Variants in EPHB1 observed in about 807,000 individuals in gnomAD.
EPHB1 encodes the protein ephrin type-B receptor 1.
A neutral mutation model predicts 94.4 loss-of-function variants in EPHB1; 30 were observed. The observed-to-expected ratio is 0.32, with a 90% CI of 0.24 to 0.43. The LOEUF is 0.43. Among genes scored for constraint, EPHB1 ranks in the 20% least tolerant of loss-of-function variants. The pLI is 1.00. For missense variants in EPHB1, 1,055 were observed against 1,308.3 expected (o/e 0.81, Z 2.99); for synonymous variants, 522 against 489.1 (o/e 1.07, Z -0.89).
At chr3:135,111,155 T>A (rs1939427845) in intron 4 of EPHB1, among the ~76,000 whole-genome samples, 1 of 152,156 alleles carries the variant, frequency 6.6e-6, no homozygotes, top group African/African-American at 2.4e-5. Flanking sequence ...ATCTGCTGCA[T>A]CATGCTCAAT....
rs1310462550 is a variant in EPHB1, at chr3:135,192,703, C to T, written c.2010C>T (p.Ser670=). The T allele has an allele frequency of 1.9e-6, 3 of 1,614,068 alleles. No individual in the cohort carries two copies. Among genetic ancestry groups the T allele is most frequent in the African/African-American group, 1.3e-5 (1 of 74,924 alleles). ...GTCGGGACTTTCTGAGTGAGGCGAG[C>T]ATCATGGGCCAGTTCGACCATCCTA... ...KQRRDFLSEA[S]IMGQFDHPNI... is the part of the protein sequence containing the mutation. Residue 670 remains serine (S), a synonymous_variant, in exon 11 of 16, where the codon AGC becomes AGT. Coordinates refer to ENST00000398015, the MANE Select transcript of EPHB1 (RefSeq NM_004441.5).
intron 11 of EPHB1, among the ~76,000 whole-genome samples, chr3:135,195,506 C>G (rs1190447694): frequency 1.3e-5 from 2 of 150,886 alleles, no homozygotes; most frequent in Admixed American, 1.3e-4. Context: ...CACCACAGTC[C>G]CCAGAGTGTG....
At chr3:134,817,152 C>T (rs1383543310) in intron 1 of EPHB1, among the ~76,000 whole-genome samples, 2 of 151,994 alleles carry the variant, frequency 1.3e-5, no homozygotes, top group Non-Finnish European at 2.9e-5. Flanking sequence ...AAATCAAATT[C>T]TGTAAACCAT....
Position 135,106,473 on chromosome 3 carries a change from C to A in EPHB1, c.831C>A (p.Ala277=). 1 of 1,613,998 alleles carries A rather than the reference C, an allele frequency of 6.2e-7. No homozygotes were observed. The highest frequency in any genetic ancestry group is 8.5e-7 in the Non-Finnish European group (1 of 1,179,886). The change falls in exon 4 of 16, where the codon GCC becomes GCA. Residue 277 remains alanine, a synonymous_variant. Transcript: ENST00000398015. ...CTTGCCCTGCAGGGACATTCAAGGC[C>A]AGCCAGGAAGCTGAAGGCTGCTCCC... is the stretch of plus-strand genomic sequence containing the variant. ...CKACPAGTFK[A]SQEAEGCSHC...
chr3:135,072,679 T>C (rs1937765761), intron 3 of EPHB1, among the ~76,000 whole-genome samples: 1 of 152,260 alleles, frequency 6.6e-6, no homozygotes, highest in African/African-American at 2.4e-5. Context: ...CCTGATTCTT[T>C]TTGTGGCTGG....
chr3:134,918,447 AAG>A (rs774654808), intron 1 of EPHB1, among the ~76,000 whole-genome samples: 1 of 152,204 alleles, frequency 6.6e-6, no homozygotes, highest in Non-Finnish European at 1.5e-5. Flanking sequence ...GAAGTGATGA[AAG>A]AGTAATTTTC....
chr3:135,210,270 C>T (rs1006317789), intron 12 of EPHB1, among the ~76,000 whole-genome samples: 1 of 152,160 alleles, frequency 6.6e-6, no homozygotes, highest in Non-Finnish European at 1.5e-5. Flanking sequence ...GATTTTGATA[C>T]TTAGAAAATT....
intron 3 of EPHB1, among the ~76,000 whole-genome samples, chr3:135,062,913 A>G (rs1398038333): frequency 1.3e-5 from 2 of 152,268 alleles, no homozygotes; most frequent in East Asian, 1.9e-4. Flanking sequence ...TGGTTAGCCA[A>G]ATATCCCAGG....
chr3:134,836,122 A>C (rs1218407985), intron 1 of EPHB1, among the ~76,000 whole-genome samples: 1 of 152,212 alleles, frequency 6.6e-6, no homozygotes, highest in Non-Finnish European at 1.5e-5. Context: ...AGAGCTATCC[A>C]TGGGGCATCT....
At chr3:134,830,324 A>G (rs112473655) in intron 1 of EPHB1, among the ~76,000 whole-genome samples, 123 of 152,296 alleles carry the variant, frequency 8.1e-4, no homozygotes, top group African/African-American at 3.0e-3. Context: ...CACACATACA[A>G]TATTATTATA....
Position 135,176,100 on chromosome 3 carries a change from G to A in EPHB1, c.1760-3760G>A, listed in dbSNP as rs981939240. ...AGGCTAGCTATACTGCAGGAGGGAG[G>A]TCTAGGAAGATGCGTCATTCTGAGA... On this transcript the variant is annotated intron_variant, in intron 9 of 15. Transcript: ENST00000398015. Among the ~76,000 whole-genome samples the A allele has an allele frequency of 5.3e-5, 8 of 152,192 alleles. No individual in the cohort carries two copies. In the South Asian group the frequency reaches 6.2e-4, roughly 12 times the overall value.
intron 1 of EPHB1, among the ~76,000 whole-genome samples, chr3:134,858,181 A>G (rs1366037305): frequency 2.0e-5 from 3 of 151,902 alleles, no homozygotes; most frequent in Non-Finnish European, 4.4e-5. Context: ...CATCATCATC[A>G]TCATCATCAT....
intron 3 of EPHB1, among the ~76,000 whole-genome samples, chr3:135,074,179 A>T (rs1475223072): frequency 1.3e-5 from 2 of 152,252 alleles, no homozygotes; most frequent in Non-Finnish European, 2.9e-5. Flanking sequence ...TAAGAAAGGC[A>T]TATAAATGCT....
intron 3 of EPHB1, among the ~76,000 whole-genome samples, chr3:135,099,906 C>A (rs1407331815): frequency 6.6e-6 from 1 of 152,202 alleles, no homozygotes; most frequent in Non-Finnish European, 1.5e-5. Flanking sequence ...GAACCTCCTT[C>A]TTCCTGGCCA....
intron 4 of EPHB1, among the ~76,000 whole-genome samples, chr3:135,114,587 G>A (rs1576397139): frequency 6.7e-6 from 1 of 149,116 alleles, no homozygotes; most frequent in Non-Finnish European, 1.5e-5. Context: ...AGCCGGGCGT[G>A]GTGGCATGTT....
intron 12 of EPHB1, among the ~76,000 whole-genome samples, chr3:135,239,785 C>A (rs1943737460): frequency 6.6e-6 from 1 of 152,200 alleles, no homozygotes; most frequent in African/African-American, 2.4e-5. Flanking sequence ...TATGTCCCAG[C>A]CTCTCTCTTA....
chr3:135,004,580 T>A (rs1476252848), intron 3 of EPHB1, among the ~76,000 whole-genome samples: 2 of 152,120 alleles, frequency 1.3e-5, no homozygotes, highest in African/African-American at 4.8e-5. Context: ...ATTCTCCCCA[T>A]CACTTTCAGG....
At chr3:135,179,553 G>A (rs896566918) in intron 9 of EPHB1, among the ~76,000 whole-genome samples, 2 of 152,226 alleles carry the variant, frequency 1.3e-5, no homozygotes, top group African/African-American at 2.4e-5. Context: ...CTTGCCTTCT[G>A]TGAGCACCCG....
rs1013643041 is a variant in EPHB1, at chr3:135,053,475, G to C, written c.806-52973G>C. Reference sequence around the variant, plus strand: ...GATTTTTAATGTGGAGGTTTAATTAGAATGGTAAGGATCAGGATGTAACAG... The same window carrying C: ...GATTTTTAATGTGGAGGTTTAATTACAATGGTAAGGATCAGGATGTAACAG... On this transcript the variant is annotated intron_variant, in intron 3 of 15. Coordinates refer to ENST00000398015, the MANE Select transcript of EPHB1 (RefSeq NM_004441.5). 5.9e-5 allele frequency among the ~76,000 whole-genome samples: 9 copies of C among 152,272 alleles called. No individual in the cohort carries two copies. The South Asian group carries it at 6.2e-4, about 11-fold the overall frequency.
Sources: allele counts gnomAD v4.1 joint callset (sites outside exome capture counted in the v4.1 genomes callset), GRCh38; gene constraint gnomAD v4.1.1; transcripts MANE v1.5; gene names NCBI Gene and HGNC (gene_info 2026-07-23, HGNC 2026-07-21).